TOX3: variants seen among roughly 807,000 people sequenced by gnomAD.
TOX3 encodes the protein CAG trinucleotide repeat-containing gene F9 protein.
In TOX3, 22 loss-of-function variants were observed where a neutral mutation model predicts 64.3. The observed-to-expected ratio is 0.34, with a 90% CI of 0.24 to 0.49. The LOEUF (loss-of-function observed/expected upper bound fraction) is 0.49. Among genes scored for constraint, TOX3 ranks in the 20% least tolerant of loss-of-function variants. The pLI is 0.99. For missense variants in TOX3, 661 were observed against 714.4 expected, an observed-to-expected ratio of 0.93 and a Z score of 0.85; for synonymous variants, 291 against 273.6, an observed-to-expected ratio of 1.06 and a Z score of -0.63.
rs1959849513 is a variant in TOX3, at chr16:52,439,195, T to C, written c.*30A>G. On this transcript the variant is annotated 3_prime_UTR_variant, in exon 7 of 7. Coordinates refer to ENST00000219746, the MANE Select transcript of TOX3 (RefSeq NM_001080430.4). ...TTCCCTCCTATGCCACTCTCCTTGG[T>C]ATACGCAAATCCGTCTGCCATATGC... 6.2e-7 allele frequency: 1 copy of C among 1,613,560 alleles called. No individual in the cohort carries two copies. Among genetic ancestry groups the C allele is most frequent in the Non-Finnish European group, 8.5e-7 (1 of 1,179,724 alleles).
chr16:52,503,187 G>C (rs1437577547), intron 1 of TOX3, among the ~76,000 whole-genome samples: 1 of 152,178 alleles, frequency 6.6e-6, no homozygotes, highest in Non-Finnish European at 1.5e-5. Flanking sequence ...TTTTATGAAA[G>C]TGATTTGGGA....
chr16:52,542,872 C>T (rs1455328062), intron 1 of TOX3, among the ~76,000 whole-genome samples: 2 of 152,146 alleles, frequency 1.3e-5, no homozygotes, highest in African/African-American at 4.8e-5. Context: ...GTTTCTTTTG[C>T]CCTTCAAGCT....
intron 1 of TOX3, among the ~76,000 whole-genome samples, chr16:52,481,004 C>T (rs2151448975): frequency 6.6e-6 from 1 of 152,108 alleles, no homozygotes; most frequent in Non-Finnish European, 1.5e-5. Flanking sequence ...TCCTACAATT[C>T]ACGGGGCGGC....
At position 52,439,982 on chromosome 16, in the gene TOX3, G is replaced by A; in HGVS notation, c.988-14C>T. 1.3e-6 allele frequency: 2 copies of A among 1,524,246 alleles called. No homozygotes were observed. The highest frequency in any genetic ancestry group is 1.8e-6 in the Non-Finnish European group (2 of 1,137,114). The allele number at this position is 1,524,246 out of a possible 1,614,324, so 94.4% of individuals were successfully genotyped here. A position where few individuals can be genotyped will look rare whatever the true frequency, so the allele number is the denominator to read the frequency against. On this transcript the variant is annotated splice_polypyrimidine_tract_variant and intron_variant, in intron 6 of 6. Transcript: ENST00000219746. ...CTCAGCAGCAGCCTGCATTTTGGGG[G>A]AGAAAATTCCAGACTGTTACAACAC... is the stretch of plus-strand genomic sequence containing the variant.
intron 1 of TOX3, among the ~76,000 whole-genome samples, chr16:52,498,979 C>A (rs1028753852): frequency 2.0e-5 from 3 of 152,212 alleles, no homozygotes; most frequent in African/African-American, 2.4e-5. Context: ...TACCCTAACA[C>A]AATGAGCGAG....
chr16:52,441,642 A>G (rs42198), intron 6 of TOX3, among the ~76,000 whole-genome samples: 121,433 of 152,128 alleles, frequency 0.8, 48,869 homozygotes, highest in East Asian at 0.93. Context: ...GAGACATCAA[A>G]CAGCCATCCA....
chr16:52,511,448 T>C (rs888794990), intron 1 of TOX3, among the ~76,000 whole-genome samples: 1 of 152,010 alleles, frequency 6.6e-6, no homozygotes, highest in East Asian at 1.9e-4. Context: ...GCCAAGATTG[T>C]GCCATTGCAC....
At chr16:52,463,306 G>T in intron 3 of TOX3, among the ~76,000 whole-genome samples, 1 of 152,164 alleles carries the variant, frequency 6.6e-6, no homozygotes, top group East Asian at 1.9e-4. Context: ...AGTGATTGCT[G>T]ACTATAATTG....
In TOX3 at chr16:52,543,606, TCAAA is replaced by T. The variant is rs565078926; in HGVS notation, c.87+3027_87+3030del. Among the ~76,000 whole-genome samples, 15 of 152,356 alleles carry T rather than the reference TCAAA, an allele frequency of 9.8e-5. No homozygotes were observed. In the South Asian group the frequency reaches 2.9e-3, roughly 29 times the overall value. On this transcript the variant is annotated intron_variant, in intron 1 of 6. Transcript: ENST00000219746. The stretch of plus-strand genomic sequence containing the variant: ...TTAACCACACCAGAAAAAGAAATGT[TCAAA>T]CAGTCGACTTTCTACTTGAAATTAA...
intron 5 of TOX3, chr16:52,445,665 G>T (rs1596773461): frequency 4.1e-6 from 1 of 245,498 alleles, no homozygotes; most frequent in East Asian, 1.0e-4. Flanking sequence ...CCTTTGTAGT[G>T]CCCTTTTTGA....
chr16:52,464,880 G>T (rs941878197), intron 2 of TOX3, among the ~76,000 whole-genome samples: 1 of 151,618 alleles, frequency 6.6e-6, no homozygotes, highest in Non-Finnish European at 1.5e-5. Flanking sequence ...ACCAGTCTTC[G>T]ACTTTTTAAA....
intron 5 of TOX3, 113 bp from the exon 6 acceptor site, chr16:52,444,469 C>T (rs937518246): frequency 5.5e-6 from 4 of 730,956 alleles, no homozygotes; most frequent in African/African-American, 3.7e-5. Context: ...GGTTGGTCTC[C>T]TTGGCTTTGA....
At chr16:52,509,887 A>G (rs540668665) in intron 1 of TOX3, among the ~76,000 whole-genome samples, 1 of 152,340 alleles carries the variant, frequency 6.6e-6, no homozygotes, top group East Asian at 1.9e-4. Flanking sequence ...TTCAAAGTCT[A>G]AGACCGAGAG....
At chr16:52,540,216 C>T (rs1275546822) in intron 1 of TOX3, among the ~76,000 whole-genome samples, 1 of 148,504 alleles carries the variant, frequency 6.7e-6, no homozygotes, top group African/African-American at 2.5e-5. Flanking sequence ...CCTATCTCTG[C>T]AAAAAATAAA....
intron 1 of TOX3, among the ~76,000 whole-genome samples, chr16:52,520,405 CA>C (rs1259891599): frequency 1.3e-5 from 2 of 152,170 alleles, no homozygotes; most frequent in Admixed American, 6.5e-5. Context: ...TTACAACAAG[CA>C]AAAGCTGGGA....
At chr16:52,547,453 C>G (rs370034153), upstream of TOX3, 1 of 152,306 alleles carries the variant, frequency 6.6e-6, no homozygotes, top group African/African-American at 2.4e-5. Flanking sequence ...CCGAAGCGGA[C>G]GCCAGCCCTG....
intron 5 of TOX3, chr16:52,445,108 T>A (rs996666352): frequency 2.0e-5 from 3 of 152,142 alleles, no homozygotes; most frequent in African/African-American, 7.2e-5. Context: ...GGACAGAAAA[T>A]CAGTCTGCTA....
chr16:52,542,279 C>T (rs1453932587), intron 1 of TOX3, among the ~76,000 whole-genome samples: 2 of 152,102 alleles, frequency 1.3e-5, no homozygotes, highest in African/African-American at 4.8e-5. Flanking sequence ...GACATGGGAG[C>T]AGAACTGTCC....
At chr16:52,547,494 G>C (rs1225093357), upstream of TOX3, 1 of 152,280 alleles carries the variant, frequency 6.6e-6, no homozygotes, top group African/African-American at 2.4e-5. Context: ...CCTCCTGCGC[G>C]ACCACAGCTT....
Sources: gnomAD v4.1 joint callset for allele counts (sites outside exome capture counted in the v4.1 genomes callset) on GRCh38, gnomAD v4.1.1 for gene constraint, MANE v1.5 for transcripts, NCBI Gene and HGNC (gene_info 2026-07-23, HGNC 2026-07-21) for gene names.